The following FCHO2 variants were observed in gnomAD, a reference collection of about 807,000 sequenced individuals.
FCHO2 encodes FCH and mu domain containing endocytic adaptor 2, also known as F-BAR domain only protein 2.
A neutral mutation model predicts 114.1 loss-of-function variants in FCHO2; 43 were observed. That is an observed-to-expected ratio of 0.38 (90% CI 0.30 to 0.49). The LOEUF (loss-of-function observed/expected upper bound fraction) is 0.49. Ranked by LOEUF, FCHO2 falls within the 20% of genes least tolerant of loss-of-function variation. The pLI, the probability that FCHO2 is intolerant of heterozygous loss-of-function variation, is 0.97. For synonymous variants in FCHO2, 293 were observed against 315.2 expected, an observed-to-expected ratio of 0.93 and a Z score of 0.75; for missense variants, 807 against 950.4, an observed-to-expected ratio of 0.85 and a Z score of 1.98.
intron 2 of FCHO2, among the ~76,000 whole-genome samples, chr5:72,981,295 G>T (rs1753195843): frequency 6.6e-6 from 1 of 152,184 alleles, no homozygotes; most frequent in Non-Finnish European, 1.5e-5. Context: ...GGCTTGTAGG[G>T]TTTCTGCAGA....
At chr5:72,973,313 C>T (rs536102359) in intron 2 of FCHO2, among the ~76,000 whole-genome samples, 62 of 152,254 alleles carry the variant, frequency 4.1e-4, no homozygotes, top group African/African-American at 1.4e-3. Context: ...TAGAATTTGG[C>T]TGTGAATCCA....
In FCHO2 at chr5:73,052,327, C is replaced by T. The variant is rs372099212; in HGVS notation, c.998-5C>T. The T allele has an allele frequency of 2.8e-5, 45 of 1,599,088 alleles. No individual in the cohort carries two copies. In the South Asian group the frequency reaches 3.3e-4, roughly 12 times the overall value. ...TTTAAAAACAATTCTTTAACTGAAA[C>T]TCACATACCAAAGAGAACCATTTCT... On this transcript the variant is annotated splice_region_variant and splice_polypyrimidine_tract_variant and intron_variant, in intron 12 of 25. Transcript: ENST00000430046.
chr5:73,046,347 C>T (rs998309852), intron 11 of FCHO2, among the ~76,000 whole-genome samples: 1 of 152,100 alleles, frequency 6.6e-6, no homozygotes, highest in African/African-American at 2.4e-5. Flanking sequence ...GATTATAGGC[C>T]TGAGCCACCG....
chr5:73,039,513 C>G (rs969678935), intron 10 of FCHO2, among the ~76,000 whole-genome samples: 1 of 152,124 alleles, frequency 6.6e-6, no homozygotes, highest in Non-Finnish European at 1.5e-5. Context: ...ATTATTATGC[C>G]TTTTCTGGAA....
At chr5:72,991,603 T>A (rs964863740) in intron 5 of FCHO2, among the ~76,000 whole-genome samples, 3 of 152,266 alleles carry the variant, frequency 2.0e-5, no homozygotes, top group African/African-American at 7.2e-5. Context: ...CCACAACCTT[T>A]TCTTCCATTT....
At position 73,004,898 on chromosome 5, in the gene FCHO2, T is replaced by C. The variant is rs946242438; in HGVS notation, c.496-1547T>C. Among the ~76,000 whole-genome samples the C allele has an allele frequency of 2.2e-4, 34 of 152,368 alleles. 1 individual carries two copies. Among genetic ancestry groups the C allele is most frequent in the African/African-American group, 7.5e-4 (31 of 41,588 alleles). On this transcript the variant is annotated intron_variant, in intron 5 of 25. Transcript: ENST00000430046. ...TATAAATTAAACTTTATCATAGTTA[T>C]GTATGTATAGGAAAAAACATAGTAT... is the stretch of plus-strand genomic sequence containing the variant.
At chr5:73,086,235 C>T (rs955674202) in intron 24 of FCHO2, among the ~76,000 whole-genome samples, 3 of 152,184 alleles carry the variant, frequency 2.0e-5, no homozygotes, top group Non-Finnish European at 4.4e-5. Context: ...AAGGTTGTTG[C>T]TCTTGGTCTA....
Position 73,081,845 on chromosome 5 carries a change from T to C in FCHO2, c.2043T>C (p.Ala681=). The stretch of plus-strand genomic sequence containing the variant: ...TTGCAACATACTGGAAATGTAGTGC[T>C]AGCACCACAGATCTTAGAGTGGATT... The part of the protein sequence containing the change: ...LNLATYWKCS[A]STTDLRVDYK... Residue 681 remains alanine (A), a synonymous_variant, in exon 23 of 26, where the codon GCT becomes GCC. Coordinates refer to ENST00000430046, the MANE Select transcript of FCHO2 (RefSeq NM_138782.3). 1 of 1,611,648 alleles carries C rather than the reference T, an allele frequency of 6.2e-7. No individual in the cohort carries two copies. Among genetic ancestry groups the C allele is most frequent in the East Asian group, 2.2e-5 (1 of 44,750 alleles).
At chr5:72,965,055 C>T (rs1160571504) in intron 1 of FCHO2, among the ~76,000 whole-genome samples, 3 of 151,476 alleles carry the variant, frequency 2.0e-5, no homozygotes, top group Non-Finnish European at 4.4e-5. Flanking sequence ...ATAAAGGGTT[C>T]GTGACTATCC....
chr5:73,048,850 C>T (rs1757197193), intron 11 of FCHO2, among the ~76,000 whole-genome samples: 1 of 147,232 alleles, frequency 6.8e-6, no homozygotes, highest in Non-Finnish European at 1.5e-5. Flanking sequence ...AGTATATTTT[C>T]AAGCTTATGA....
At chr5:73,037,760 C>CTTTTT in intron 10 of FCHO2, 1 of 334,144 alleles carries the variant, frequency 3.0e-6, no homozygotes, top group Non-Finnish European at 5.8e-6. Context: ...GATTTACCTT[C>CTTTTT]TTTTTTTTTT....
intron 1 of FCHO2, among the ~76,000 whole-genome samples, chr5:72,961,331 A>G (rs1204754194): frequency 6.6e-6 from 1 of 152,170 alleles, no homozygotes; most frequent in Non-Finnish European, 1.5e-5. Flanking sequence ...AAATTAGTTT[A>G]GGTGACCATA....
intron 1 of FCHO2, among the ~76,000 whole-genome samples, chr5:72,964,126 A>C (rs1752047635): frequency 1.3e-5 from 2 of 151,982 alleles, no homozygotes; most frequent in African/African-American, 4.8e-5. Flanking sequence ...AAAATATATA[A>C]AAATTAAAAA....
chr5:73,037,887 G>A (rs1257560542), intron 10 of FCHO2: 5 of 305,566 alleles, frequency 1.6e-5, no homozygotes, highest in Admixed American at 4.4e-5. Context: ...AGCCTCCCAA[G>A]TAGCTGGAAT....
intron 15 of FCHO2, among the ~76,000 whole-genome samples, chr5:73,054,822 G>A (rs570243554): frequency 1.3e-5 from 2 of 152,166 alleles, no homozygotes; most frequent in South Asian, 2.1e-4. Flanking sequence ...AATGTTAAAC[G>A]GTTTCACTGG....
intron 24 of FCHO2, among the ~76,000 whole-genome samples, chr5:73,085,801 T>C: frequency 7.1e-6 from 1 of 141,208 alleles, no homozygotes; most frequent in African/African-American, 2.7e-5. Context: ...AATAAATAAA[T>C]AAATAAATAA....
In FCHO2 at chr5:73,017,201, C is replaced by CCT; in HGVS notation, c.700-11_700-10insCT. On this transcript the variant is annotated splice_polypyrimidine_tract_variant and intron_variant, in intron 7 of 25. Transcript: ENST00000430046. Reference sequence around the variant, plus strand: ...GAAAAAGAAAAAGTTATCTTTATTTCATTTTAATAGGTCCATGAAGAATTT... The same window carrying CCT: ...GAAAAAGAAAAAGTTATCTTTATTTCCTATTTTAATAGGTCCATGAAGAATTT... The CCT allele has an allele frequency of 7.1e-7, 1 of 1,408,778 alleles. No individual in the cohort carries two copies. The highest frequency in any genetic ancestry group is 9.5e-7 in the Non-Finnish European group (1 of 1,050,820). 87.3% of individuals were successfully genotyped at this position (1,408,778 alleles called of 1,614,324 possible).
At chr5:72,989,897 T>C (rs1209138442) in intron 3 of FCHO2, among the ~76,000 whole-genome samples, 1 of 152,012 alleles carries the variant, frequency 6.6e-6, no homozygotes, top group East Asian at 1.9e-4. Context: ...GCATTAAAAA[T>C]GTCTCCTGTG....
intron 5 of FCHO2, among the ~76,000 whole-genome samples, chr5:73,000,162 G>T (rs1754355085): frequency 6.6e-6 from 1 of 151,854 alleles, no homozygotes; most frequent in African/African-American, 2.4e-5. Context: ...GTGCCACCAT[G>T]CACAGCCAAT....
Sources: gnomAD v4.1 joint callset for allele counts (sites outside exome capture counted in the v4.1 genomes callset) on GRCh38, gnomAD v4.1.1 for gene constraint, MANE v1.5 for transcripts, NCBI Gene and HGNC (gene_info 2026-07-23, HGNC 2026-07-21) for gene names.